CNTNAP2: variants seen among roughly 807,000 people sequenced by gnomAD.
CNTNAP2 encodes contactin associated protein 2.
CNTNAP2 carries 98 observed loss-of-function variants against 155.2 expected under a neutral mutation model. That is an observed-to-expected ratio of 0.63 (90% confidence interval 0.54 to 0.75). The LOEUF (loss-of-function observed/expected upper bound fraction) is 0.75. Among genes scored for constraint, CNTNAP2 ranks in the 30% least tolerant of loss-of-function variants. The pLI is 0.00. For synonymous variants in CNTNAP2, 651 were observed against 631.2 expected, an observed-to-expected ratio of 1.03 and a Z score of -0.47; for missense variants, 1,727 against 1,688.1, an observed-to-expected ratio of 1.02 and a Z score of -0.40.
chr7:147,199,622 T>C (rs1283218301), intron 8 of CNTNAP2, among the ~76,000 whole-genome samples: 1 of 152,038 alleles, frequency 6.6e-6, no homozygotes, highest in Non-Finnish European at 1.5e-5. Flanking sequence ...GATCAAGTCT[T>C]TTTGTAGGGC....
At chr7:148,137,312 A>G (rs1452901862) in intron 16 of CNTNAP2, among the ~76,000 whole-genome samples, 2 of 152,222 alleles carry the variant, frequency 1.3e-5, no homozygotes, top group Admixed American at 1.3e-4. Context: ...GACGATTCTA[A>G]GGCAAAAGGC....
At position 148,146,777 on chromosome 7, in the gene CNTNAP2, C is replaced by T. The variant is rs150188406; in HGVS notation, c.2555-714C>T. On this transcript the variant is annotated intron_variant, in intron 16 of 23. Coordinates refer to ENST00000361727, the MANE Select transcript of CNTNAP2 (RefSeq NM_014141.6). ...CCCTCATTACACCAACAATAGGTTACCCTCATTACACCAACAATAGGTCAC... is the reference window on the plus strand; with the variant it reads ...CCCTCATTACACCAACAATAGGTTATCCTCATTACACCAACAATAGGTCAC... Among the ~76,000 whole-genome samples, 171 of 152,190 alleles carry T rather than the reference C, an allele frequency of 1.1e-3. 1 individual carries two copies. Among genetic ancestry groups the T allele is most frequent in the African/African-American group, 4.1e-3 (169 of 41,512 alleles).
chr7:148,176,651 G>A (rs570526535), intron 18 of CNTNAP2, among the ~76,000 whole-genome samples: 8 of 152,184 alleles, frequency 5.3e-5, no homozygotes, highest in East Asian at 1.9e-4. Flanking sequence ...GCACAAGGGC[G>A]TTGTGGAAAC....
chr7:147,730,399 T>C (rs113760940), intron 13 of CNTNAP2, among the ~76,000 whole-genome samples: 180 of 152,208 alleles, frequency 1.2e-3, no homozygotes, highest in African/African-American at 3.9e-3. Flanking sequence ...AGTGTCACAT[T>C]TTGATAATTC....
chr7:148,239,601 C>T (rs1157895723), intron 20 of CNTNAP2, among the ~76,000 whole-genome samples: 1 of 152,132 alleles, frequency 6.6e-6, no homozygotes, highest in African/African-American at 2.4e-5. Flanking sequence ...TATGGCTCCT[C>T]GGCCCCTGAG....
At chr7:146,678,965 T>G (rs565770486) in intron 1 of CNTNAP2, among the ~76,000 whole-genome samples, 1 of 152,146 alleles carries the variant, frequency 6.6e-6, no homozygotes, top group Non-Finnish European at 1.5e-5. Context: ...ACTCATCATG[T>G]CACTTTTCAG....
chr7:147,711,683 G>A (rs1436521520), intron 13 of CNTNAP2, among the ~76,000 whole-genome samples: 1 of 152,170 alleles, frequency 6.6e-6, no homozygotes, highest in Admixed American at 6.5e-5. Context: ...ACGGCTAGAG[G>A]CAGCTGTGCT....
intron 13 of CNTNAP2, among the ~76,000 whole-genome samples, chr7:147,719,035 T>C (rs878904522): frequency 5.9e-5 from 9 of 152,094 alleles, no homozygotes; most frequent in Non-Finnish European, 1.2e-4. Context: ...ATAATGGGCA[T>C]AAAGAGATGC....
In CNTNAP2 at chr7:146,883,801, A is replaced by T. The variant is rs117033961; in HGVS notation, c.402+43897A>T. Among the ~76,000 whole-genome samples, 340 of 152,296 alleles carry T rather than the reference A, an allele frequency of 2.2e-3. 1 individual carries two copies. Among genetic ancestry groups the T allele is most frequent in the Non-Finnish European group, 4.1e-3 (281 of 68,010 alleles). On this transcript the variant is annotated intron_variant, in intron 3 of 23. Coordinates refer to ENST00000361727, the MANE Select transcript of CNTNAP2 (RefSeq NM_014141.6). ...AAAAATTAGTTTCTCCAATTTCTCC[A>T]AAATCATCTTATAGATTATTTAGAA...
At chr7:147,807,703 AG>A (rs1563096485) in intron 13 of CNTNAP2, among the ~76,000 whole-genome samples, 1 of 152,170 alleles carries the variant, frequency 6.6e-6, no homozygotes, top group Admixed American at 6.5e-5. Context: ...TTAGCAGATA[AG>A]GCAGACCAAC....
chr7:147,691,614 G>T (rs554932494), intron 13 of CNTNAP2, among the ~76,000 whole-genome samples: 2 of 152,218 alleles, frequency 1.3e-5, no homozygotes, highest in South Asian at 4.1e-4. Flanking sequence ...CACATTTGCG[G>T]TGTCAAGAGC....
chr7:147,661,545 T>G (rs992098185), intron 13 of CNTNAP2, among the ~76,000 whole-genome samples: 7 of 142,464 alleles, frequency 4.9e-5, no homozygotes, highest in Non-Finnish European at 8.9e-5. Context: ...GCTAATTGCT[T>G]CTTCTTCTTC....
At chr7:147,865,475 T>C (rs1420875063) in intron 13 of CNTNAP2, among the ~76,000 whole-genome samples, 1 of 152,210 alleles carries the variant, frequency 6.6e-6, no homozygotes, top group Admixed American at 6.5e-5. Flanking sequence ...TCTTTTTCTA[T>C]TGATTGGAAT....
At position 147,935,866 on chromosome 7, in the gene CNTNAP2, A is replaced by G. The variant is rs1800598203; in HGVS notation, c.2255+32145A>G. Among the ~76,000 whole-genome samples the G allele has an allele frequency of 1.3e-5, 2 of 152,354 alleles. 1 individual carries two copies. Among genetic ancestry groups the G allele is most frequent in the African/African-American group, 4.8e-5 (2 of 41,594 alleles). ...CTTCATTATTTTCTTCCTCAGTGCA[A>G]ATATGTTTATCTGGAAATAATGTAT... On this transcript the variant is annotated intron_variant, in intron 14 of 23. Transcript: ENST00000361727.
intron 17 of CNTNAP2, among the ~76,000 whole-genome samples, chr7:148,149,161 A>C (rs2116655104): frequency 6.6e-6 from 1 of 152,044 alleles, no homozygotes; most frequent in South Asian, 2.1e-4. Context: ...CGTTTTTTTG[A>C]CCCTGCCCCT....
intron 14 of CNTNAP2, among the ~76,000 whole-genome samples, chr7:147,964,866 C>T (rs983081722): frequency 6.6e-6 from 1 of 152,070 alleles, no homozygotes. Context: ...TTAGAATGTC[C>T]CTGAGTGGGT....
At chr7:148,150,654 T>C (rs1805280789) in intron 17 of CNTNAP2, among the ~76,000 whole-genome samples, 2 of 152,226 alleles carry the variant, frequency 1.3e-5, no homozygotes, top group South Asian at 4.1e-4. Flanking sequence ...ACTTAGGTGT[T>C]AGTCTCAGTT....
chr7:147,870,592 C>T (rs1799310027), intron 13 of CNTNAP2, among the ~76,000 whole-genome samples: 1 of 152,202 alleles, frequency 6.6e-6, no homozygotes, highest in African/African-American at 2.4e-5. Context: ...AAAACATGCT[C>T]AACCCCAATG....
chr7:147,413,155 G>A (rs1797132287), intron 10 of CNTNAP2, among the ~76,000 whole-genome samples: 1 of 152,090 alleles, frequency 6.6e-6, no homozygotes, highest in Non-Finnish European at 1.5e-5. Context: ...TTAAAATAAT[G>A]GCTTAGAGTC....
Sources: gnomAD v4.1 joint callset for allele counts (sites outside exome capture counted in the v4.1 genomes callset) on GRCh38, gnomAD v4.1.1 for gene constraint, MANE v1.5 for transcripts, NCBI Gene and HGNC (gene_info 2026-07-23, HGNC 2026-07-21) for gene names.